Variants in ANK3 observed in about 807,000 individuals in gnomAD.
The protein encoded by ANK3 is ankyrin-3.
A neutral mutation model predicts 370.9 loss-of-function variants in ANK3; 57 were observed. That is an observed-to-expected ratio of 0.15 (90% confidence interval 0.12 to 0.19). The LOEUF is 0.19. Among genes scored for constraint, ANK3 ranks in the 10% least tolerant of loss-of-function variants. The pLI is 1.00. For missense variants in ANK3, 4,439 were observed against 5,302.1 expected (o/e 0.84, Z 5.06); for synonymous variants, 1,929 against 1,946.3 (o/e 0.99, Z 0.23).
intron 7 of ANK3, among the ~76,000 whole-genome samples, chr10:60,238,418 T>C (rs2097367284): frequency 6.6e-6 from 1 of 152,084 alleles, no homozygotes; most frequent in Non-Finnish European, 1.5e-5. Context: ...TCACCATACA[T>C]ACAGGGCAGA....
intron 1 of ANK3, among the ~76,000 whole-genome samples, chr10:60,710,714 C>T (rs2079692550): frequency 6.6e-6 from 1 of 152,098 alleles, no homozygotes. Flanking sequence ...TTAGCTCATG[C>T]AATTATGGAA....
At chr10:60,499,013 T>C (rs748788114) in intron 2 of ANK3, among the ~76,000 whole-genome samples, 7 of 152,242 alleles carry the variant, frequency 4.6e-5, no homozygotes, top group Non-Finnish European at 8.8e-5. Context: ...ATCACAATTT[T>C]GTAAAGTGGC....
chr10:60,676,461 C>T (rs2079126877), intron 1 of ANK3, among the ~76,000 whole-genome samples: 2 of 152,128 alleles, frequency 1.3e-5, no homozygotes, highest in Admixed American at 6.5e-5. Context: ...TTTCAGTAAC[C>T]TGTTGTCATG....
intron 7 of ANK3, among the ~76,000 whole-genome samples, chr10:60,246,255 C>CCAA (rs2097550429): frequency 1.1e-5 from 1 of 92,704 alleles, no homozygotes; most frequent in Admixed American, 1.2e-4. Flanking sequence ...AACCCTGTAT[C>CCAA]AAAAAAAAAA....
At chr10:60,029,915 A>G in intron 43 of ANK3, 89 bp from the exon 44 acceptor site, 1 of 97,190 alleles carries the variant, frequency 1.0e-5, no homozygotes, top group Non-Finnish European at 1.8e-5. Flanking sequence ...TAAGACAACT[A>G]GTGTAAGCCT....
chr10:60,547,057 CTTGTCAGT>C (rs1262303107), intron 2 of ANK3, among the ~76,000 whole-genome samples: 1 of 148,038 alleles, frequency 6.8e-6, no homozygotes, highest in Admixed American at 6.8e-5. Context: ...GCTTCCTCAT[CTTGTCAGT>C]TTGTCAGTTC....
chr10:60,665,790 C>T (rs1305037605), intron 1 of ANK3, among the ~76,000 whole-genome samples: 1 of 152,112 alleles, frequency 6.6e-6, no homozygotes, highest in Non-Finnish European at 1.5e-5. Flanking sequence ...TAGTCATGTA[C>T]TTGAATCAAA....
chr10:60,302,654 C>T (rs989597714), intron 1 of ANK3, among the ~76,000 whole-genome samples: 27 of 152,242 alleles, frequency 1.8e-4, no homozygotes, highest in Middle Eastern at 3.4e-3. Context: ...TAAGGCCACA[C>T]GCTGGCAGCA....
chr10:60,729,767 C>T (rs936250799), intron 1 of ANK3, among the ~76,000 whole-genome samples: 10 of 152,202 alleles, frequency 6.6e-5, no homozygotes, highest in African/African-American at 2.4e-4. Context: ...ACTGAAAACA[C>T]ATAACTTTCA....
In ANK3 at chr10:60,106,059, G is replaced by A. The variant is rs766697987; in HGVS notation, c.3174C>T (p.Gly1058=). 6.3e-7 allele frequency: 1 copy of A among 1,594,798 alleles called. No individual in the cohort carries two copies. Among genetic ancestry groups the A allele is most frequent in the East Asian group, 2.3e-5 (1 of 43,906 alleles). Residue 1058 remains glycine (G), a splice_region_variant and synonymous_variant, in exon 28 of 44, where the codon GGC becomes GGT. Coordinates refer to ENST00000280772, the MANE Select transcript of ANK3 (RefSeq NM_020987.5). The stretch of plus-strand genomic sequence containing the variant: ...AGTGAGGGATTTCCACTATGACAGG[G>A]CTGGAAAAAAAATCCACATTATTTT... The part of the protein sequence containing the change: ...EMGPAGAQFL[G]PVIVEIPHFG...
At chr10:60,110,014 G>A (rs1483289539) in intron 26 of ANK3, among the ~76,000 whole-genome samples, 1 of 152,048 alleles carries the variant, frequency 6.6e-6, no homozygotes, top group Non-Finnish European at 1.5e-5. Context: ...ATATATCCCT[G>A]TATTCTAGTT....
chr10:60,731,200 T>C (rs2080017636), intron 1 of ANK3, among the ~76,000 whole-genome samples: 1 of 152,176 alleles, frequency 6.6e-6, no homozygotes, highest in South Asian at 2.1e-4. Context: ...GCACACTTAT[T>C]TCTTTAAACT....
intron 2 of ANK3, among the ~76,000 whole-genome samples, chr10:60,415,235 A>G (rs1256937818): frequency 6.6e-6 from 1 of 152,144 alleles, no homozygotes; most frequent in Non-Finnish European, 1.5e-5. Flanking sequence ...TCCTGCCTAC[A>G]AGGACTTGTG....
chr10:60,428,504 T>C (rs1280743799), intron 2 of ANK3, among the ~76,000 whole-genome samples: 1 of 152,194 alleles, frequency 6.6e-6, no homozygotes, highest in Admixed American at 6.5e-5. Flanking sequence ...AGTGACTTGA[T>C]TGCTTCATCA....
intron 2 of ANK3, among the ~76,000 whole-genome samples, chr10:60,421,166 T>C (rs2063770368): frequency 6.6e-6 from 1 of 152,026 alleles, no homozygotes; most frequent in African/African-American, 2.4e-5. Context: ...ATAAGAGATT[T>C]CCGGAGCGAA....
intron 2 of ANK3, among the ~76,000 whole-genome samples, chr10:60,509,233 C>A (rs2076018529): frequency 6.6e-6 from 1 of 151,854 alleles, no homozygotes; most frequent in South Asian, 2.1e-4. Flanking sequence ...AGTGAAGCAC[C>A]AAGGACATAT....
intron 2 of ANK3, among the ~76,000 whole-genome samples, chr10:60,506,458 T>C (rs2075944585): frequency 6.6e-6 from 1 of 152,120 alleles, no homozygotes. Context: ...AAATGTGTTA[T>C]GATGTGAACC....
rs571985297 is a variant in ANK3, at chr10:60,313,616, C to T, written c.115-33977G>A. The stretch of plus-strand genomic sequence containing the variant: ...AGTTGGTCTTTTCCTGAACTTGGCT[C>T]TCCTGCAACTATCAGCGCTTTCATA... On this transcript the variant is annotated intron_variant, in intron 1 of 43. Coordinates refer to ENST00000280772, the MANE Select transcript of ANK3 (RefSeq NM_020987.5). Among the ~76,000 whole-genome samples the T allele has an allele frequency of 2.0e-5, 3 of 152,272 alleles. No individual in the cohort carries two copies. The East Asian group carries it at 5.8e-4, about 29-fold the overall frequency.
At chr10:60,226,536 ACATAG>A (rs1167954980) in intron 8 of ANK3, among the ~76,000 whole-genome samples, 28 of 60,814 alleles carry the variant, frequency 4.6e-4, no homozygotes, top group South Asian at 3.9e-3. Context: ...TAGTATATAT[ACATAG>A]TATATATACT....
Sources: allele counts gnomAD v4.1 joint callset (sites outside exome capture counted in the v4.1 genomes callset), GRCh38; gene constraint gnomAD v4.1.1; transcripts MANE v1.5; gene names NCBI Gene and HGNC (gene_info 2026-07-23, HGNC 2026-07-21).